Variants in PIWIL2 observed in about 807,000 individuals in gnomAD.
PIWIL2 encodes piwi like RNA-mediated gene silencing 2.
Under a neutral mutation model 116.5 loss-of-function variants are expected in PIWIL2, and 81 were observed. That is an observed-to-expected ratio of 0.70 (90% CI 0.58 to 0.84). PIWIL2 has a LOEUF of 0.84. Among genes scored for constraint, PIWIL2 ranks in the 40% least tolerant of loss-of-function variants. The probability of loss-of-function intolerance (pLI) is 0.00; values close to 1 mark genes in which losing one functional copy is unlikely to be tolerated. For synonymous variants in PIWIL2, 489 were observed against 429.5 expected, an observed-to-expected ratio of 1.14 and a Z score of -1.71; for missense variants, 1,272 against 1,212.3, an observed-to-expected ratio of 1.05 and a Z score of -0.73.
chr8:22,280,910 C>A (rs983403426), intron 2 of PIWIL2, among the ~76,000 whole-genome samples: 2 of 152,104 alleles, frequency 1.3e-5, no homozygotes, highest in Non-Finnish European at 2.9e-5. Context: ...ATACTGTACA[C>A]ATCAAATCAT....
At position 22,353,144 on chromosome 8, in the gene PIWIL2, T is replaced by A. The variant is rs552309719; in HGVS notation, c.2589T>A (p.Ala863=). Residue 863 remains alanine (A), a synonymous_variant, in exon 21 of 23, where the codon GCT becomes GCA. Transcript: ENST00000356766. ...QKKISTNLYL[A]APQNFVTPTP... is the part of the protein sequence containing the mutation. ...AAATCAGTACTAATCTATATCTGGC[T>A]GCTCCTCAGAACTTTGTAACTCCCA... 6.2e-7 allele frequency: 1 copy of A among 1,613,942 alleles called. No homozygotes were observed. Among genetic ancestry groups the A allele is most frequent in the Admixed American group, 1.7e-5 (1 of 60,026 alleles).
intron 20 of PIWIL2, chr8:22,321,994 A>G: frequency 5.1e-6 from 5 of 985,072 alleles, no homozygotes; most frequent in Non-Finnish European, 6.0e-6. Flanking sequence ...CGCATGCAAT[A>G]ATAAAATGCT....
rs948642264 is a variant in PIWIL2, at chr8:22,302,327, G to A, written c.1182-1694G>A. On this transcript the variant is annotated intron_variant, in intron 10 of 22. Transcript: ENST00000356766. ...CTTCTGAGTAGCTGGGACTACAGGC[G>A]CGCACCCCCACGCCCAGTTAATTTT... 2.0e-5 allele frequency among the ~76,000 whole-genome samples: 3 copies of A among 151,828 alleles called. 1 individual carries two copies. The highest frequency in any genetic ancestry group is 1.5e-5 in the Non-Finnish European group (1 of 67,960).
chr8:22,321,870 C>G, intron 20 of PIWIL2: 1 of 985,186 alleles, frequency 1.0e-6, no homozygotes, highest in Non-Finnish European at 1.2e-6. Context: ...ACCGGAAGTT[C>G]CAACACCTCC....
chr8:22,291,502 CTG>C (rs1830767030), intron 10 of PIWIL2, among the ~76,000 whole-genome samples: 1 of 152,104 alleles, frequency 6.6e-6, no homozygotes, highest in African/African-American at 2.4e-5. Context: ...ACACATAAGT[CTG>C]TACATCTGAT....
chr8:22,320,208 T>C (rs964795438), intron 20 of PIWIL2, among the ~76,000 whole-genome samples: 1 of 151,328 alleles, frequency 6.6e-6, no homozygotes, highest in African/African-American at 2.4e-5. Context: ...TGATCCACGC[T>C]TCTCAGCCTC....
intron 13 of PIWIL2, among the ~76,000 whole-genome samples, chr8:22,307,031 A>G (rs577937518): frequency 6.6e-6 from 1 of 152,230 alleles, no homozygotes; most frequent in Non-Finnish European, 1.5e-5. Flanking sequence ...AAACACCATG[A>G]CAAGTTCTGG....
At chr8:22,325,018 C>T (rs1831689937) in intron 20 of PIWIL2, among the ~76,000 whole-genome samples, 1 of 152,176 alleles carries the variant, frequency 6.6e-6, no homozygotes, top group South Asian at 2.1e-4. Flanking sequence ...TTTAAGCCAG[C>T]TTGTTTTGTA....
chr8:22,310,319 A>G (rs186263609), intron 15 of PIWIL2, among the ~76,000 whole-genome samples: 1 of 152,222 alleles, frequency 6.6e-6, no homozygotes, highest in Admixed American at 6.5e-5. Context: ...CATAGTGCCA[A>G]CCTGTTACCC....
At chr8:22,310,550 A>G (rs1352511714) in intron 15 of PIWIL2, among the ~76,000 whole-genome samples, 1 of 152,196 alleles carries the variant, frequency 6.6e-6, no homozygotes, top group Non-Finnish European at 1.5e-5. Flanking sequence ...GATATATAAA[A>G]TGCATGTTTT....
intron 10 of PIWIL2, among the ~76,000 whole-genome samples, chr8:22,297,398 G>A (rs1401052708): frequency 6.6e-6 from 1 of 152,178 alleles, no homozygotes. Flanking sequence ...TAGGATTACA[G>A]GTGTGAGCTA....
chr8:22,288,407 C>A, intron 7 of PIWIL2, 135 bp from the exon 8 acceptor site: 1 of 554,116 alleles, frequency 1.8e-6, no homozygotes, highest in Non-Finnish European at 3.0e-6. Context: ...GTGTGGGCAA[C>A]AAAGTGAGGG....
intron 10 of PIWIL2, among the ~76,000 whole-genome samples, chr8:22,290,975 T>TATATATATA (rs947701007): frequency 6.0e-5 from 9 of 149,522 alleles, no homozygotes; most frequent in South Asian, 2.1e-4. Context: ...TGTATATATA[T>TATATATATA]TTTTTTTAAT....
intron 10 of PIWIL2, among the ~76,000 whole-genome samples, chr8:22,299,081 CAG>C (rs1830982323): frequency 6.6e-6 from 1 of 151,962 alleles, no homozygotes; most frequent in East Asian, 1.9e-4. Flanking sequence ...ATTTTATTCT[CAG>C]GAGTATATGA....
At chr8:22,291,536 A>T (rs1043813933) in intron 10 of PIWIL2, among the ~76,000 whole-genome samples, 4 of 152,180 alleles carry the variant, frequency 2.6e-5, no homozygotes, top group African/African-American at 9.6e-5. Context: ...ATGTACTTGG[A>T]AGTAGAATTA....
Position 22,304,020 on chromosome 8 carries a change from G to A in PIWIL2, c.1182-1G>A. The A allele has an allele frequency of 3.1e-6, 5 of 1,607,554 alleles. No homozygotes were observed. The South Asian group carries it at 3.3e-5, about 11-fold the overall frequency. On this transcript the variant is annotated splice_acceptor_variant, in intron 10 of 22. Transcript: ENST00000356766. LOFTEE classifies it high-confidence loss of function. ...CAAAAGTCTTTTATCTCTTTCCAAAGGCATGCCATTTATCAGCAGAATAAA... is the reference window on the plus strand; with the variant it reads ...CAAAAGTCTTTTATCTCTTTCCAAAAGCATGCCATTTATCAGCAGAATAAA...
chr8:22,302,428 C>T (rs1402932399), intron 10 of PIWIL2, among the ~76,000 whole-genome samples: 2 of 152,130 alleles, frequency 1.3e-5, no homozygotes, highest in African/African-American at 4.8e-5. Context: ...ATCCGCCCAC[C>T]TCGGCCTCCC....
intron 17 of PIWIL2, among the ~76,000 whole-genome samples, chr8:22,314,713 T>C (rs1299741373): frequency 6.6e-6 from 1 of 152,184 alleles, no homozygotes; most frequent in Non-Finnish European, 1.5e-5. Flanking sequence ...GGCTTCATTC[T>C]GAAAGGGGAA....
Position 22,287,579 on chromosome 8 carries a change from A to G in PIWIL2, c.795A>G (p.Gln265=), listed in dbSNP as rs146067964. Residue 265 remains glutamine (Q), a synonymous_variant, in exon 7 of 23, where the codon CAA becomes CAG. Transcript: ENST00000356766. Reference sequence around the variant, plus strand: ...GGTTCGGCATGTTGAAGGACCATCAAGCTGTCACCGGCAACGTCACTGCGT... The same window carrying G: ...GGTTCGGCATGTTGAAGGACCATCAGGCTGTCACCGGCAACGTCACTGCGT... The part of the protein sequence containing the change: ...SMRFGMLKDH[Q]AVTGNVTAFD... The G allele has an allele frequency of 1.9e-4, 312 of 1,613,904 alleles. No homozygotes were observed. The highest frequency in any genetic ancestry group is 3.1e-5 in the Non-Finnish European group (37 of 1,179,870).
Sources: allele counts gnomAD v4.1 joint callset (sites outside exome capture counted in the v4.1 genomes callset), GRCh38; gene constraint gnomAD v4.1.1; transcripts MANE v1.5; gene names NCBI Gene and HGNC (gene_info 2026-07-23, HGNC 2026-07-21).